The following ASMTL variants were observed in gnomAD, a reference collection of about 807,000 sequenced individuals.
ASMTL encodes acetylserotonin O-methyltransferase like, also known as probable bifunctional dTTP/UTP pyrophosphatase/methyltransferase protein.
A neutral mutation model predicts 60.3 loss-of-function variants in ASMTL; 57 were observed. The ratio of observed to expected loss-of-function variants is 0.95; its 90% CI spans 0.76 to 1.18. The LOEUF (loss-of-function observed/expected upper bound fraction) is 1.18. ASMTL is among the 50% of genes most tolerant of loss of function. The pLI, the probability that ASMTL is intolerant of heterozygous loss-of-function variation, is 0.00. For missense variants in ASMTL, 981 were observed against 852.6 expected (o/e 1.15, Z -1.88); for synonymous variants, 419 against 373.0 (o/e 1.12, Z -1.42).
chrX:1,419,347 A>G (rs1226855295), intron 9 of ASMTL, among the ~76,000 whole-genome samples: 1 of 152,104 alleles, frequency 6.6e-6, no homozygotes, highest in Non-Finnish European at 1.5e-5. Flanking sequence ...CCTTGGAATC[A>G]CTTGGTCCAC....
intron 3 of ASMTL, among the ~76,000 whole-genome samples, chrX:1,436,516 C>T (rs2090970005): frequency 6.6e-6 from 1 of 152,126 alleles, no homozygotes; most frequent in South Asian, 2.1e-4. Context: ...CCACACCCGG[C>T]TAATTTTTTG....
In ASMTL at chrX:1,452,817, C is replaced by A; in HGVS notation, c.24G>T (p.Gly8=). The A allele has an allele frequency of 6.3e-7, 1 of 1,594,974 alleles. No individual in the cohort carries two copies. The highest frequency in any genetic ancestry group is 8.5e-7 in the Non-Finnish European group (1 of 1,177,076). ...GCACCACGCGCTTGTGCAGCAGCTT[C>A]CCAATCACCGGGCACAGCACCATGG... The part of the protein sequence containing the change: MVLCPVI[G]KLLHKRVVLA... The change falls in exon 1 of 13, where the codon GGG becomes GGT. Residue 8 remains glycine (G), a synonymous_variant. Coordinates refer to ENST00000381317, the MANE Select transcript of ASMTL (RefSeq NM_004192.4).
At chrX:1,453,348 C>T (rs1446571666), upstream of ASMTL, among the ~76,000 whole-genome samples, 1 of 150,410 alleles carries the variant, frequency 6.6e-6, no homozygotes, top group Admixed American at 6.6e-5. Flanking sequence ...CCCCCGCCCG[C>T]CTCCCCCCCG....
At chrX:1,416,374 T>G (rs1303726742) in intron 11 of ASMTL, among the ~76,000 whole-genome samples, 1 of 59,374 alleles carries the variant, frequency 1.7e-5, no homozygotes, top group Admixed American at 2.3e-4. Context: ...GACGCAGACA[T>G]GCACAGATGG....
intron 1 of ASMTL, among the ~76,000 whole-genome samples, chrX:1,447,734 T>C (rs1382872485): frequency 2.4e-5 from 3 of 126,316 alleles, no homozygotes; most frequent in African/African-American, 9.2e-5. Flanking sequence ...ATCTTGGACA[T>C]GCATGGCCAT....
At position 1,421,916 on chromosome X, in the gene ASMTL, A is replaced by T; in HGVS notation, c.1061-74T>A. 5.7e-6 allele frequency: 8 copies of T among 1,404,532 alleles called. No individual in the cohort carries two copies. The South Asian group carries it at 9.5e-5, about 17-fold the overall frequency. The allele number at this position is 1,404,532 out of a possible 1,614,324, so 87.0% of individuals were successfully genotyped here. A position where few individuals can be genotyped will look rare whatever the true frequency, so the allele number is the denominator to read the frequency against. On this transcript the variant is annotated intron_variant, in intron 8 of 12. Coordinates refer to ENST00000381317, the MANE Select transcript of ASMTL (RefSeq NM_004192.4). ...GAAACCTGACCGTAGGGGATGTATCATTGAGATGTTAAAATAAACATCACC... is the reference window on the plus strand; with the variant it reads ...GAAACCTGACCGTAGGGGATGTATCTTTGAGATGTTAAAATAAACATCACC...
At chrX:1,405,663 A>G (rs1405170990) in intron 12 of ASMTL, among the ~76,000 whole-genome samples, 3 of 147,204 alleles carry the variant, frequency 2.0e-5, no homozygotes, top group East Asian at 4.1e-4. Flanking sequence ...AGATGGATGG[A>G]TGGGTGAATA....
chrX:1,412,966 G>A, intron 11 of ASMTL, 112 bp from the exon 12 acceptor site: 1 of 1,125,966 alleles, frequency 8.9e-7, no homozygotes, highest in Non-Finnish European at 1.3e-6. Flanking sequence ...AGAAGAGAGG[G>A]GTGTGGGCGG....
chrX:1,440,390 C>CT (rs200847846), intron 2 of ASMTL, among the ~76,000 whole-genome samples: 3,293 of 152,110 alleles, frequency 0.022, 62 homozygotes, highest in African/African-American at 0.047. Flanking sequence ...GCACCCGGCC[C>CT]CGAATGTATT....
At chrX:1,408,056 C>G (rs1278109680) in intron 12 of ASMTL, among the ~76,000 whole-genome samples, 1 of 151,418 alleles carries the variant, frequency 6.6e-6, no homozygotes, top group African/African-American at 2.4e-5. Flanking sequence ...AAAACCCTAA[C>G]AGGGCATGAT....
intron 1 of ASMTL, among the ~76,000 whole-genome samples, chrX:1,443,316 CCATCT>C (rs1459838605): frequency 4.1e-5 from 2 of 49,272 alleles, no homozygotes; most frequent in Non-Finnish European, 7.0e-5. Context: ...ACACACACCG[CCATCT>C]TGGACACACA....
At chrX:1,451,075 A>G (rs190277297) in intron 1 of ASMTL, among the ~76,000 whole-genome samples, 2,819 of 32,080 alleles carry the variant, frequency 0.088, 123 homozygotes, top group African/African-American at 0.28. Context: ...ATACCTAGGG[A>G]TTCCGGATCA....
At chrX:1,435,298 C>T (rs1428956158) in intron 4 of ASMTL, 33 of 640,330 alleles carry the variant, frequency 5.2e-5, no homozygotes, top group African/African-American at 1.3e-4. Flanking sequence ...GTGGCCCTGA[C>T]GGGAGGCGCC....
At chrX:1,407,392 G>A (rs1418224261) in intron 12 of ASMTL, among the ~76,000 whole-genome samples, 2 of 151,070 alleles carry the variant, frequency 1.3e-5, no homozygotes, top group South Asian at 2.1e-4. Context: ...GTAGATGAAT[G>A]GATGGATATA....
At chrX:1,453,169 A>G (rs1158387321), upstream of ASMTL, among the ~76,000 whole-genome samples, 2 of 126,666 alleles carry the variant, frequency 1.6e-5, no homozygotes, top group African/African-American at 3.0e-5. Flanking sequence ...CCGTCAGGCC[A>G]CGCCCAGGCC....
rs758890346 is a variant in ASMTL at position 1,448,143 on chromosome X, C to A, written c.93+4605G>T. 1.4e-5 allele frequency among the ~76,000 whole-genome samples: 2 copies of A among 143,750 alleles called. 1 individual carries two copies. The highest frequency in any genetic ancestry group is 1.4e-4 in the Admixed American group (2 of 14,556). 94.3% of individuals were successfully genotyped at this position (143,750 alleles called of 152,430 possible). Reference sequence around the variant, plus strand: ...GACACACACCATCTTGGACACACACCGCCATCTTGGATAAGCACCACCATC... The same window carrying A: ...GACACACACCATCTTGGACACACACAGCCATCTTGGATAAGCACCACCATC... On this transcript the variant is annotated intron_variant, in intron 1 of 12. Transcript: ENST00000381317.
chrX:1,418,988 C>A lies in ASMTL; in HGVS notation c.1372G>T (p.Val458Leu), dbSNP rs4503285. Reference sequence around the variant, plus strand: ...TGGCGGGGGGGCCACCCACCTCCCACGTCGCAGGCGGAGGAGAAGCGGGAC... The same window carrying A: ...TGGCGGGGGGGCCACCCACCTCCCAAGTCGCAGGCGGAGGAGAAGCGGGAC... Reference protein sequence around the residue: ...NLSRFSSACDVGGCTGALARE... With the variant: ...NLSRFSSACDLGGCTGALARE... The change falls in exon 10 of 13, where the codon GTG (valine) becomes TTG (leucine). Residue 458 changes from valine (V) to leucine (L), a missense_variant. Physicochemically the swap from Val to Leu is conservative, Grantham distance 32 (BLOSUM62 1). Transcript: ENST00000381317. 1.9e-6 allele frequency: 3 copies of A among 1,611,446 alleles called. No individual in the cohort carries two copies. Among genetic ancestry groups the A allele is most frequent in the Admixed American group, 1.7e-5 (1 of 59,964 alleles).
intron 2 of ASMTL, among the ~76,000 whole-genome samples, chrX:1,439,841 A>G (rs1256964452): frequency 1.3e-5 from 2 of 151,108 alleles, no homozygotes; most frequent in Non-Finnish European, 2.9e-5. Flanking sequence ...GTCTCCAAAA[A>G]AAAAAAGAAA....
intron 11 of ASMTL, among the ~76,000 whole-genome samples, chrX:1,416,821 A>T (rs113550958): frequency 0.026 from 3,996 of 151,452 alleles, 206 homozygotes; most frequent in African/African-American, 0.091. Flanking sequence ...CCATGCACAC[A>T]GATACAGATG....
Sources: allele counts gnomAD v4.1 joint callset (sites outside exome capture counted in the v4.1 genomes callset), GRCh38; gene constraint gnomAD v4.1.1; transcripts MANE v1.5; gene names NCBI Gene and HGNC (gene_info 2026-07-23, HGNC 2026-07-21).